Variants in SUMF1 observed in about 807,000 individuals in gnomAD.
The protein encoded by SUMF1 is formylglycine-generating enzyme.
In SUMF1, 48 loss-of-function variants were observed where a neutral mutation model predicts 47.6. That is an observed-to-expected ratio of 1.01 (90% CI 0.80 to 1.28). The LOEUF (loss-of-function observed/expected upper bound fraction) is 1.28. SUMF1 is among the 50% of genes most tolerant of loss of function. The pLI, the probability that SUMF1 is intolerant of heterozygous loss-of-function variation, is 0.00. For synonymous variants in SUMF1, 230 were observed against 192.1 expected (o/e 1.20, Z -1.63); for missense variants, 571 against 485.4 (o/e 1.18, Z -1.66).
At chr3:4,044,718 C>T (rs1230439774) in intron 9 of SUMF1, among the ~76,000 whole-genome samples, 1 of 152,174 alleles carries the variant, frequency 6.6e-6, no homozygotes, top group Non-Finnish European at 1.5e-5. Flanking sequence ...AGGCCTTATG[C>T]ATATTGGAAA....
At chr3:4,268,149 C>G (rs940947263) in intron 8 of SUMF1, among the ~76,000 whole-genome samples, 1 of 152,058 alleles carries the variant, frequency 6.6e-6, no homozygotes, top group Non-Finnish European at 1.5e-5. Context: ...AAAAACCAAA[C>G]ACCGCATATT....
At chr3:4,321,855 A>G (rs1698843553) in intron 8 of SUMF1, among the ~76,000 whole-genome samples, 2 of 152,264 alleles carry the variant, frequency 1.3e-5, no homozygotes, top group African/African-American at 4.8e-5. Flanking sequence ...GGAGGGGAGC[A>G]GAGTAACTTT....
chr3:4,300,424 G>T (rs1362429524), intron 8 of SUMF1, among the ~76,000 whole-genome samples: 1 of 152,186 alleles, frequency 6.6e-6, no homozygotes, highest in Non-Finnish European at 1.5e-5. Flanking sequence ...ACACAAGAAA[G>T]TTTTTATATC....
chr3:4,365,926 T>C (rs985031410), intron 8 of SUMF1, among the ~76,000 whole-genome samples: 2 of 152,190 alleles, frequency 1.3e-5, no homozygotes, highest in Non-Finnish European at 2.9e-5. Context: ...CAACAAAATC[T>C]CTCAGCATTT....
chr3:4,275,882 T>C (rs1426466036), intron 8 of SUMF1, among the ~76,000 whole-genome samples: 2 of 152,104 alleles, frequency 1.3e-5, no homozygotes, highest in African/African-American at 4.8e-5. Context: ...TAGCAGAAAA[T>C]AATCATATTG....
At chr3:4,218,110 TA>T (rs796825788) in intron 8 of SUMF1, among the ~76,000 whole-genome samples, 77 of 146,780 alleles carry the variant, frequency 5.2e-4, no homozygotes, top group African/African-American at 1.0e-3. Flanking sequence ...TTTACTTCTT[TA>T]AAAAAAAAAA....
intron 8 of SUMF1, among the ~76,000 whole-genome samples, chr3:4,259,999 G>T (rs1209956519): frequency 6.7e-6 from 1 of 148,716 alleles, no homozygotes. Flanking sequence ...TAACATATGT[G>T]TTGACTCTGA....
At chr3:4,303,749 T>G (rs1316492374) in intron 8 of SUMF1, 6 of 1,480,674 alleles carry the variant, frequency 4.1e-6, no homozygotes, top group Non-Finnish European at 5.4e-6. Flanking sequence ...GTCCATTCCC[T>G]GAAGCGCAGA....
intron 7 of SUMF1, among the ~76,000 whole-genome samples, chr3:4,403,303 C>T (rs987821826): frequency 2.6e-5 from 4 of 152,050 alleles, no homozygotes; most frequent in East Asian, 1.9e-4. Context: ...CTCTTAACTG[C>T]GGATGTAATC....
At chr3:4,148,791 A>G (rs1694252668) in intron 8 of SUMF1, among the ~76,000 whole-genome samples, 1 of 152,160 alleles carries the variant, frequency 6.6e-6, no homozygotes, top group Non-Finnish European at 1.5e-5. Flanking sequence ...GCAACTTCCT[A>G]AACTAGATCT....
chr3:4,262,982 G>C (rs1697117587), intron 8 of SUMF1, among the ~76,000 whole-genome samples: 1 of 152,172 alleles, frequency 6.6e-6, no homozygotes, highest in Non-Finnish European at 1.5e-5. Context: ...CTCTATGAGA[G>C]GGGGCAATTC....
At chr3:4,336,709 G>C (rs1699160405) in intron 8 of SUMF1, among the ~76,000 whole-genome samples, 1 of 152,180 alleles carries the variant, frequency 6.6e-6, no homozygotes, top group African/African-American at 2.4e-5. Flanking sequence ...AATATCACCA[G>C]CTCAGCTGAA....
intron 8 of SUMF1, among the ~76,000 whole-genome samples, chr3:4,241,885 G>A (rs1394112396): frequency 6.6e-6 from 1 of 152,148 alleles, no homozygotes; most frequent in Non-Finnish European, 1.5e-5. Flanking sequence ...CCTAGAGATT[G>A]GTTGGACCAG....
At chr3:4,178,753 C>T (rs1363580879) in intron 8 of SUMF1, among the ~76,000 whole-genome samples, 3 of 152,188 alleles carry the variant, frequency 2.0e-5, no homozygotes, top group Admixed American at 1.3e-4. Flanking sequence ...GCCAAATTGT[C>T]TCTGTTTGCA....
At chr3:4,459,647 T>C (rs1249840556) in intron 1 of SUMF1, among the ~76,000 whole-genome samples, 1 of 152,164 alleles carries the variant, frequency 6.6e-6, no homozygotes, top group East Asian at 1.9e-4. Flanking sequence ...TCCCAAGAAA[T>C]CAACCTTGAC....
chr3:4,436,099 T>C (rs1374890891), intron 3 of SUMF1, among the ~76,000 whole-genome samples: 3 of 152,282 alleles, frequency 2.0e-5, no homozygotes, highest in Non-Finnish European at 2.9e-5. Context: ...CTGGGCAACA[T>C]GGCGAAACCC....
At chr3:4,152,951 G>A (rs1416829416) in intron 8 of SUMF1, among the ~76,000 whole-genome samples, 1 of 151,458 alleles carries the variant, frequency 6.6e-6, no homozygotes, top group Non-Finnish European at 1.5e-5. Context: ...TGGTCAGCTT[G>A]CAGTCTCCAC....
chr3:4,285,799 T>C (rs1697621209), intron 8 of SUMF1, among the ~76,000 whole-genome samples: 1 of 152,170 alleles, frequency 6.6e-6, no homozygotes, highest in Non-Finnish European at 1.5e-5. Context: ...TTCATCCAAA[T>C]GCACACAACT....
At chr3:4,269,623 A>G (rs1055231774) in intron 8 of SUMF1, among the ~76,000 whole-genome samples, 4 of 152,204 alleles carry the variant, frequency 2.6e-5, no homozygotes, top group African/African-American at 9.7e-5. Flanking sequence ...AGCGGGGGAA[A>G]GAAAGAATGA....
Sources: gnomAD v4.1 joint callset for allele counts (sites outside exome capture counted in the v4.1 genomes callset) on GRCh38, gnomAD v4.1.1 for gene constraint, MANE v1.5 for transcripts, NCBI Gene and HGNC (gene_info 2026-07-23, HGNC 2026-07-21) for gene names.